Variants in CNTLN observed in about 807,000 individuals in gnomAD.
CNTLN encodes the protein centlein, also known as centlein, centrosomal protein.
A neutral mutation model predicts 180.0 loss-of-function variants in CNTLN; 212 were observed. That is an observed-to-expected ratio of 1.18 (90% CI 1.05 to 1.32). The LOEUF (loss-of-function observed/expected upper bound fraction) is 1.32. Among genes scored for constraint, CNTLN ranks in the 40% most tolerant of loss-of-function variants. The probability of loss-of-function intolerance (pLI) is 0.00; values close to 1 mark genes in which losing one functional copy is unlikely to be tolerated. For synonymous variants in CNTLN, 722 were observed against 563.1 expected, an observed-to-expected ratio of 1.28 and a Z score of -3.99; for missense variants, 2,095 against 1,610.9, an observed-to-expected ratio of 1.30 and a Z score of -5.14.
rs1053313991 is a variant in CNTLN at position 17,314,979 on chromosome 9, ATTG to A, written c.1341+5730_1341+5732del. Among the ~76,000 whole-genome samples, 69 of 152,220 alleles carry A rather than the reference ATTG, an allele frequency of 4.5e-4. 1 individual carries two copies. The highest frequency in any genetic ancestry group is 1.6e-3 in the African/African-American group (67 of 41,532). ...TAACTTGTTGATCTTATCACCAATT[ATTG>A]TTATTGTCTTGCATTTTAATTATAC... On this transcript the variant is annotated intron_variant, in intron 8 of 25. Transcript: ENST00000380647.
At chr9:17,443,633 T>A (rs984335475) in intron 18 of CNTLN, among the ~76,000 whole-genome samples, 1 of 152,220 alleles carries the variant, frequency 6.6e-6, no homozygotes, top group African/African-American at 2.4e-5. Flanking sequence ...GGTAATATAT[T>A]GTCTTAGTTG....
chr9:17,457,621 AT>A lies in CNTLN; in HGVS notation c.3214del (p.Ser1072ProfsTer3). 2 of 1,566,358 alleles carry A rather than the reference AT, an allele frequency of 1.3e-6. No homozygotes were observed. The highest frequency in any genetic ancestry group is 1.7e-6 in the Non-Finnish European group (2 of 1,154,286). ...SSEITSLAEE[N>X]SQVTFPRIQV... ...GAAATCACAAGTTTGGCAGAAGAAA[AT>A]TCCCAGGTAACATTTCCACGGATAC... On this transcript the variant is annotated frameshift_variant, in exon 19 of 26. Transcript: ENST00000380647. LOFTEE classifies it high-confidence loss of function.
At chr9:17,270,125 G>T (rs1393660858) in intron 5 of CNTLN, among the ~76,000 whole-genome samples, 2 of 152,014 alleles carry the variant, frequency 1.3e-5, no homozygotes, top group South Asian at 4.2e-4. Context: ...TATATTTAAT[G>T]TCTGTTCTTT....
rs535637824 is a variant in CNTLN, at chr9:17,330,606, A to G, written c.1342-26A>G. On this transcript the variant is annotated intron_variant, in intron 8 of 25. Coordinates refer to ENST00000380647, the MANE Select transcript of CNTLN (RefSeq NM_017738.4). ...ATGTAAGATACAAACATAGATATCTATTTACAATTATACTTTTTAAAATAG... is the reference window on the plus strand; with the variant it reads ...ATGTAAGATACAAACATAGATATCTGTTTACAATTATACTTTTTAAAATAG... 15 of 1,293,472 alleles carry G rather than the reference A, an allele frequency of 1.2e-5. No homozygotes were observed. The South Asian group carries it at 2.1e-4, about 18-fold the overall frequency. The allele number at this position is 1,293,472 out of a possible 1,614,324, so 80.1% of individuals were successfully genotyped here.
chr9:17,502,289 T>C (rs943608296), intron 25 of CNTLN, among the ~76,000 whole-genome samples: 5 of 152,232 alleles, frequency 3.3e-5, no homozygotes, highest in African/African-American at 1.2e-4. Flanking sequence ...GATTACATCA[T>C]TAACATGGTC....
chr9:17,351,990 T>C (rs1822403342), intron 12 of CNTLN, among the ~76,000 whole-genome samples: 1 of 152,188 alleles, frequency 6.6e-6, no homozygotes, highest in Non-Finnish European at 1.5e-5. Flanking sequence ...TCCTAGCTGA[T>C]ACTGAGAATT....
intron 23 of CNTLN, among the ~76,000 whole-genome samples, chr9:17,482,122 A>G (rs374292372): frequency 6.6e-6 from 1 of 152,188 alleles, no homozygotes; most frequent in Non-Finnish European, 1.5e-5. Context: ...ATAGAAACTG[A>G]CAACAAATTC....
chr9:17,192,647 G>A (rs1318225733), intron 2 of CNTLN, among the ~76,000 whole-genome samples: 1 of 152,160 alleles, frequency 6.6e-6, no homozygotes, highest in Admixed American at 6.5e-5. Flanking sequence ...GTCAGAATTT[G>A]AAATCTTGCA....
the CNTLN span, among the ~76,000 whole-genome samples, chr9:17,524,899 A>G: frequency 6.6e-6 from 1 of 152,170 alleles, no homozygotes; most frequent in Non-Finnish European, 1.5e-5. Flanking sequence ...CTTACTGTCC[A>G]CTTGTCCTGT....
intron 5 of CNTLN, among the ~76,000 whole-genome samples, chr9:17,259,924 C>T (rs1296195100): frequency 7.4e-6 from 1 of 135,968 alleles, no homozygotes; most frequent in Non-Finnish European, 1.5e-5. Flanking sequence ...TTCAAAAAAC[C>T]AGCTCCTGGA....
intron 23 of CNTLN, among the ~76,000 whole-genome samples, chr9:17,474,327 C>A (rs894973488): frequency 6.6e-6 from 1 of 152,096 alleles, no homozygotes; most frequent in African/African-American, 2.4e-5. Flanking sequence ...ACAATATTTT[C>A]ACTAGTCATC....
At chr9:17,419,367 A>C (rs909832339) in intron 18 of CNTLN, among the ~76,000 whole-genome samples, 42 of 152,180 alleles carry the variant, frequency 2.8e-4, no homozygotes, top group African/African-American at 1.0e-3. Context: ...AAGAAAAATT[A>C]AGTATAAATC....
chr9:17,512,033 G>T, the CNTLN span, among the ~76,000 whole-genome samples: 1 of 152,178 alleles, frequency 6.6e-6, no homozygotes, highest in African/African-American at 2.4e-5. Context: ...AATTATGGAG[G>T]TATTTAATAC....
chr9:17,464,541 T>A lies in CNTLN; in HGVS notation c.3449T>A (p.Ile1150Lys). 1 of 1,529,986 alleles carries A rather than the reference T, an allele frequency of 6.5e-7. No homozygotes were observed. The highest frequency in any genetic ancestry group is 8.7e-7 in the Non-Finnish European group (1 of 1,146,840). The allele number at this position is 1,529,986 out of a possible 1,614,324, so 94.8% of individuals were successfully genotyped here. A position where few individuals can be genotyped will look rare whatever the true frequency, so the allele number is the denominator to read the frequency against. Residue 1150 changes from isoleucine to lysine, a missense_variant, in exon 21 of 26, where the codon ATA becomes AAA. Physicochemically the swap from Ile to Lys is moderately radical, Grantham distance 102. Coordinates refer to ENST00000380647, the MANE Select transcript of CNTLN (RefSeq NM_017738.4). ...ERDITMKRHLIEDLKFRQKVN... is the reference protein window; with the variant it reads ...ERDITMKRHLKEDLKFRQKVN... ...GATATAACTATGAAAAGACATTTGA[T>A]AGAGGACTTGAAATTTCGACAGAAA...
rs754270856 is a variant in CNTLN, at chr9:17,330,641, C to A, written c.1351C>A (p.Arg451Ser). Residue 451 changes from arginine to serine, a missense_variant, in exon 9 of 26, where the codon CGC (arginine) becomes AGC (serine). Coordinates refer to ENST00000380647, the MANE Select transcript of CNTLN (RefSeq NM_017738.4). ...DPDYSAQVPH[R>S]PSLSSLETLM... is the part of the protein sequence containing the mutation. Reference sequence around the variant, plus strand: ...ATACTTTTTAAAATAGGTACCTCATCGCCCATCCTTATCAAGCTTAGAAAC... The same window carrying A: ...ATACTTTTTAAAATAGGTACCTCATAGCCCATCCTTATCAAGCTTAGAAAC... 2.5e-6 allele frequency: 4 copies of A among 1,581,540 alleles called. No homozygotes were observed. The East Asian group carries it at 6.8e-5, about 27-fold the overall frequency.
chr9:17,440,081 C>G (rs1830014421), intron 18 of CNTLN, among the ~76,000 whole-genome samples: 1 of 152,138 alleles, frequency 6.6e-6, no homozygotes, highest in African/African-American at 2.4e-5. Context: ...AATCCAGAAG[C>G]TGGATCGCTG....
chr9:17,249,345 G>GTTTTTTTTTTTT lies in CNTLN; in HGVS notation c.849+12765_849+12766insTTTTTTTTTTTT, dbSNP rs558059269. 8.8e-5 allele frequency among the ~76,000 whole-genome samples: 11 copies of GTTTTTTTTTTTT among 124,912 alleles called. 2 individuals carry two copies. Among genetic ancestry groups the GTTTTTTTTTTTT allele is most frequent in the Non-Finnish European group, 9.6e-5 (6 of 62,192 alleles). 81.9% of individuals were successfully genotyped at this position (124,912 alleles called of 152,430 possible). A position where few individuals can be genotyped will look rare whatever the true frequency, so the allele number is the denominator to read the frequency against. ...TCTTTGATCCATTGGTTCTTTGATT[G>GTTTTTTTTTTTT]TTTTTTTTGTTTTTTTTTTTTGAGC... is the stretch of plus-strand genomic sequence containing the variant. On this transcript the variant is annotated intron_variant, in intron 5 of 25. Transcript: ENST00000380647.
chr9:17,360,739 A>T lies in CNTLN; in HGVS notation c.1887-5878A>T, dbSNP rs1169941681. ...GGGATTTTGCAGACGTCCTTCTGGT[A>T]TTTATTTTTAATTTTATTATTCTAT... On this transcript the variant is annotated intron_variant, in intron 12 of 25. Transcript: ENST00000380647. Among the ~76,000 whole-genome samples the T allele has an allele frequency of 8.5e-5, 13 of 152,248 alleles. No homozygotes were observed. In the East Asian group the frequency reaches 1.9e-3, roughly 23 times the overall value.
intron 5 of CNTLN, 112 bp downstream of exon 5, chr9:17,236,700 A>G (rs1266117524): frequency 1.3e-6 from 1 of 759,852 alleles, no homozygotes; most frequent in Non-Finnish European, 2.0e-6. Flanking sequence ...ACCAGTGGGG[A>G]CTAGCATTAA....
Sources: gnomAD v4.1 joint callset for allele counts (sites outside exome capture counted in the v4.1 genomes callset) on GRCh38, gnomAD v4.1.1 for gene constraint, MANE v1.5 for transcripts, NCBI Gene and HGNC (gene_info 2026-07-23, HGNC 2026-07-21) for gene names.